Variants in ING5 observed in about 807,000 individuals in gnomAD.
ING5 encodes the protein inhibitor of growth family member 5.
ING5 carries 17 observed loss-of-function variants against 37.4 expected under a neutral mutation model. The ratio of observed to expected loss-of-function variants is 0.45; its 90% CI spans 0.31 to 0.68. The LOEUF is 0.68. Ranked by LOEUF, ING5 falls within the 30% of genes least tolerant of loss-of-function variation. The pLI, the probability that ING5 is intolerant of heterozygous loss-of-function variation, is 0.05. For synonymous variants in ING5, 123 were observed against 116.6 expected (o/e 1.06, Z -0.36); for missense variants, 233 against 311.9 (o/e 0.75, Z 1.91).
intron 7 of ING5, 110 bp downstream of exon 7, chr2:241,723,381 C>T: frequency 8.6e-7 from 1 of 1,161,196 alleles, no homozygotes. Context: ...CTTAGCGGGA[C>T]ACGGTAGCCA....
upstream of ING5, among the ~76,000 whole-genome samples, chr2:241,701,083 A>G (rs2069713019): frequency 6.7e-6 from 1 of 148,730 alleles, no homozygotes; most frequent in Non-Finnish European, 1.5e-5. Flanking sequence ...CCTCCGGAGT[A>G]GCTGGGACTA....
chr2:241,720,458 C>T, intron 5 of ING5: 1 of 1,036,614 alleles, frequency 9.6e-7, no homozygotes, highest in South Asian at 4.6e-5. Context: ...TGCACAGATG[C>T]TCCGTGTCTC....
chr2:241,712,130 A>G, intron 5 of ING5, 59 bp downstream of exon 5: 1 of 1,330,128 alleles, frequency 7.5e-7, no homozygotes, highest in Non-Finnish European at 1.0e-6. Context: ...TGTATCCCGG[A>G]TGTAGGAACA....
At chr2:241,712,838 C>A (rs2070150748) in intron 5 of ING5, among the ~76,000 whole-genome samples, 1 of 151,984 alleles carries the variant, frequency 6.6e-6, no homozygotes, top group Non-Finnish European at 1.5e-5. Flanking sequence ...CCAGTCTGGG[C>A]AACCAAGTGA....
intron 2 of ING5, among the ~76,000 whole-genome samples, chr2:241,692,594 G>T (rs918234322): frequency 6.6e-6 from 1 of 151,812 alleles, no homozygotes; most frequent in East Asian, 1.9e-4. Flanking sequence ...GAGCCACCAC[G>T]CCCAGCCTGA....
At chr2:241,687,150 G>A (rs2069447692) in exon 1 of ING5, 1 of 390,922 alleles carries the variant, frequency 2.6e-6, no homozygotes, top group Non-Finnish European at 4.5e-6. Flanking sequence ...GGGTCGGAGG[G>A]GCTCCCGGAC....
At chr2:241,702,478 G>C (rs1442164605) in intron 1 of ING5, among the ~76,000 whole-genome samples, 2 of 152,054 alleles carry the variant, frequency 1.3e-5, no homozygotes, top group African/African-American at 4.8e-5. Context: ...GCCCGTCCCT[G>C]TCCCGTCTGC....
chr2:241,702,180 C>T (rs2069752727), intron 1 of ING5, 78 bp downstream of exon 1: 1 of 849,178 alleles, frequency 1.2e-6, no homozygotes, highest in Non-Finnish European at 1.5e-6. Flanking sequence ...CGCCGGGCAC[C>T]GCATGCAGAC....
At chr2:241,723,418 A>G in intron 7 of ING5, 147 bp downstream of exon 7, 1 of 894,726 alleles carries the variant, frequency 1.1e-6, no homozygotes, top group Non-Finnish European at 1.8e-6. Context: ...TGTGGCCTCA[A>G]GGAGTGTGGC....
chr2:241,701,106 A>C (rs1197442335), upstream of ING5, among the ~76,000 whole-genome samples: 3 of 146,608 alleles, frequency 2.0e-5, no homozygotes, highest in Admixed American at 6.9e-5. Flanking sequence ...GGCGTGCGCC[A>C]CCACGCTTGG....
chr2:241,700,282 G>A (rs1165888917), upstream of ING5, among the ~76,000 whole-genome samples: 4 of 149,670 alleles, frequency 2.7e-5, no homozygotes, highest in Non-Finnish European at 5.9e-5. Flanking sequence ...TCGGCCGCCC[G>A]AGTAGCTGGG....
At chr2:241,707,151 G>A (rs1344774990) in intron 2 of ING5, among the ~76,000 whole-genome samples, 1 of 151,468 alleles carries the variant, frequency 6.6e-6, no homozygotes, top group African/African-American at 2.4e-5. Context: ...TAGAGATGGG[G>A]TTTCTCCATG....
chr2:241,711,295 C>T (rs1473605402), intron 3 of ING5, 82 bp from the exon 4 acceptor site: 1 of 953,742 alleles, frequency 1.0e-6, no homozygotes, highest in African/African-American at 1.7e-5. Context: ...GAAGGTGTTT[C>T]CTGGTGGATA....
chr2:241,709,245 G>T lies in ING5; in HGVS notation c.139G>T (p.Ala47Ser), dbSNP rs775605144. The T allele has an allele frequency of 5.0e-6, 8 of 1,613,300 alleles. No homozygotes were observed. The highest frequency in any genetic ancestry group is 6.8e-6 in the Non-Finnish European group (8 of 1,179,720). The change falls in exon 3 of 8, where the codon GCA (alanine) becomes TCA (serine). Residue 47 changes from alanine (A) to serine (S), a missense_variant. Transcript: ENST00000313552. ...DKKAEIDILA[A>S]EYISTVKTLS... is the part of the protein sequence containing the mutation. ...GAAAGCAGAGATTGACATCCTGGCT[G>T]CAGAGTACATCTCCACGGTGAAGAC...
chr2:241,699,040 G>GGGC (rs2069674659), upstream of ING5, among the ~76,000 whole-genome samples: 1 of 131,510 alleles, frequency 7.6e-6, no homozygotes, highest in Admixed American at 7.7e-5. Flanking sequence ...TTTTTTTTTG[G>GGGC]GGGGGGAGGG....
chr2:241,724,257 G>A lies in ING5; in HGVS notation c.681-732G>A, dbSNP rs187852956. ...CTCGGAGGCTGGCCGAGCTCACGGTGTCATGTGGCGTCAACACAGGCTGTC... is the reference window on the plus strand; with the variant it reads ...CTCGGAGGCTGGCCGAGCTCACGGTATCATGTGGCGTCAACACAGGCTGTC... On this transcript the variant is annotated intron_variant, in intron 7 of 7. Coordinates refer to ENST00000313552, the MANE Select transcript of ING5 (RefSeq NM_032329.6). Among the ~76,000 whole-genome samples, 690 of 152,340 alleles carry A rather than the reference G, an allele frequency of 4.5e-3. 7 individuals carry two copies. The highest frequency in any genetic ancestry group is 6.2e-3 in the Non-Finnish European group (422 of 68,036).
At chr2:241,717,362 C>T (rs753748176) in intron 5 of ING5, among the ~76,000 whole-genome samples, 9 of 152,142 alleles carry the variant, frequency 5.9e-5, no homozygotes, top group Non-Finnish European at 7.3e-5. Flanking sequence ...TGAGCCACCG[C>T]GCCTGGCCCA....
chr2:241,697,085 A>AAAT (rs1033651009), upstream of ING5, among the ~76,000 whole-genome samples: 15 of 151,194 alleles, frequency 9.9e-5, no homozygotes, highest in Non-Finnish European at 1.8e-4. Flanking sequence ...CTCCGTTTCA[A>AAAT]AATAATAATA....
intron 2 of ING5, among the ~76,000 whole-genome samples, chr2:241,706,619 C>G (rs2069919190): frequency 8.0e-6 from 1 of 125,050 alleles, no homozygotes; most frequent in South Asian, 2.5e-4. Flanking sequence ...GAGCGAAACT[C>G]CATCTCAAAA....
Sources: allele counts gnomAD v4.1 joint callset (sites outside exome capture counted in the v4.1 genomes callset), GRCh38; gene constraint gnomAD v4.1.1; transcripts MANE v1.5; gene names NCBI Gene and HGNC (gene_info 2026-07-23, HGNC 2026-07-21).